Variants in ANKS1B observed in about 807,000 individuals in gnomAD.
ANKS1B encodes the protein ankyrin repeat and sterile alpha motif domain-containing protein 1B.
ANKS1B carries 36 observed loss-of-function variants against 148.3 expected under a neutral mutation model. That is an observed-to-expected ratio of 0.24 (90% CI 0.19 to 0.32). ANKS1B has a LOEUF of 0.32. Among genes scored for constraint, ANKS1B ranks in the 10% least tolerant of loss-of-function variants. The pLI is 1.00. For missense variants in ANKS1B, 1,157 were observed against 1,542.6 expected (o/e 0.75, Z 4.19); for synonymous variants, 542 against 560.8 (o/e 0.97, Z 0.47).
chr12:99,170,749 T>G (rs1249860427), intron 14 of ANKS1B, among the ~76,000 whole-genome samples: 1 of 152,094 alleles, frequency 6.6e-6, no homozygotes, highest in Non-Finnish European at 1.5e-5. Context: ...CCCATGATGT[T>G]GTTGAAGGCT....
At chr12:99,607,135 C>G (rs2097856855) in intron 9 of ANKS1B, among the ~76,000 whole-genome samples, 1 of 152,068 alleles carries the variant, frequency 6.6e-6, no homozygotes, top group Non-Finnish European at 1.5e-5. Flanking sequence ...GCTTGGCCCT[C>G]CCCTGTGGTT....
Position 99,771,318 on chromosome 12 carries a change from C to G in ANKS1B, c.1128+1604G>C, listed in dbSNP as rs181517169. On this transcript the variant is annotated intron_variant, in intron 8 of 26. Transcript: ENST00000683438. ...TTACAAATAATCAGGGATATTTGCT[C>G]AAAATTTGTTTACTAATGGTACGTA... Among the ~76,000 whole-genome samples, 239 of 152,044 alleles carry G rather than the reference C, an allele frequency of 1.6e-3. 4 individuals carry two copies. Among genetic ancestry groups the G allele is most frequent in the Non-Finnish European group, 1.7e-3 (114 of 67,940 alleles).
At chr12:98,946,070 A>G (rs1312962840) in intron 17 of ANKS1B, among the ~76,000 whole-genome samples, 1 of 152,154 alleles carries the variant, frequency 6.6e-6, no homozygotes, top group Non-Finnish European at 1.5e-5. Flanking sequence ...CCCTATTCCC[A>G]GTGAGGCAAC....
intron 1 of ANKS1B, among the ~76,000 whole-genome samples, chr12:99,830,955 G>A (rs748465760): frequency 4.7e-4 from 71 of 151,908 alleles, no homozygotes; most frequent in African/African-American, 1.4e-3. Context: ...TCATCTCTTC[G>A]GAAACTCTCT....
At chr12:99,695,012 A>G (rs1479943759) in intron 8 of ANKS1B, among the ~76,000 whole-genome samples, 1 of 152,224 alleles carries the variant, frequency 6.6e-6, no homozygotes, top group African/African-American at 2.4e-5. Context: ...AATTAAAGGA[A>G]CAGGGTCTTT....
At chr12:99,379,854 A>T (rs1032300917) in intron 12 of ANKS1B, among the ~76,000 whole-genome samples, 15 of 152,248 alleles carry the variant, frequency 9.9e-5, no homozygotes, top group Admixed American at 9.8e-4. Context: ...CTGTTTAATT[A>T]GTGAATATTA....
chr12:98,857,139 G>A (rs1469543986), intron 17 of ANKS1B, among the ~76,000 whole-genome samples: 2 of 152,156 alleles, frequency 1.3e-5, no homozygotes, highest in South Asian at 4.2e-4. Context: ...TATATGAAAG[G>A]ACAACATGCC....
intron 12 of ANKS1B, among the ~76,000 whole-genome samples, chr12:99,287,727 T>C (rs1393738832): frequency 6.6e-6 from 1 of 152,158 alleles, no homozygotes; most frequent in East Asian, 1.9e-4. Flanking sequence ...TTTTTAAAAA[T>C]CAAGCAGAAA....
chr12:99,200,602 T>A (rs1230531665), intron 14 of ANKS1B, among the ~76,000 whole-genome samples: 2 of 152,186 alleles, frequency 1.3e-5, no homozygotes, highest in East Asian at 3.8e-4. Context: ...CATTGCTCTA[T>A]GTATAGGTGG....
chr12:99,321,087 C>T (rs961918938), intron 12 of ANKS1B, among the ~76,000 whole-genome samples: 13 of 152,144 alleles, frequency 8.5e-5, no homozygotes, highest in South Asian at 2.1e-4. Context: ...GAGGGACACC[C>T]GGTTGTATGA....
chr12:99,765,279 T>C (rs1030865258), intron 8 of ANKS1B, among the ~76,000 whole-genome samples: 49 of 152,144 alleles, frequency 3.2e-4, no homozygotes, highest in African/African-American at 1.1e-3. Context: ...GTAGTGAAAA[T>C]TTAGTACTTA....
At chr12:99,750,431 G>A (rs567691828) in intron 8 of ANKS1B, among the ~76,000 whole-genome samples, 1 of 151,898 alleles carries the variant, frequency 6.6e-6, no homozygotes, top group South Asian at 2.1e-4. Context: ...TATAACTATA[G>A]GAAAAGCTTG....
chr12:98,807,701 T>A (rs1266391967), intron 20 of ANKS1B, 143 bp downstream of exon 20: 2 of 548,374 alleles, frequency 3.6e-6, no homozygotes, highest in East Asian at 6.2e-5. Context: ...AAATGAAGTA[T>A]AATAGACAAA....
At chr12:99,584,984 C>T (rs191825857) in intron 9 of ANKS1B, among the ~76,000 whole-genome samples, 4 of 152,146 alleles carry the variant, frequency 2.6e-5, no homozygotes, top group East Asian at 1.9e-4. Flanking sequence ...ATCATCCCCC[C>T]GGCCCCTCCC....
At chr12:99,846,685 T>C (rs1274640815) in intron 1 of ANKS1B, among the ~76,000 whole-genome samples, 1 of 152,152 alleles carries the variant, frequency 6.6e-6, no homozygotes. Context: ...TTTTGCTGCC[T>C]TCAGGTTACC....
chr12:98,844,526 C>G, intron 17 of ANKS1B, among the ~76,000 whole-genome samples: 1 of 152,158 alleles, frequency 6.6e-6, no homozygotes, highest in Non-Finnish European at 1.5e-5. Context: ...ACTTTATTGA[C>G]TTTCTTTTTT....
At chr12:98,897,271 A>G (rs1228725714) in intron 17 of ANKS1B, among the ~76,000 whole-genome samples, 2 of 152,180 alleles carry the variant, frequency 1.3e-5, no homozygotes, top group Non-Finnish European at 2.9e-5. Context: ...ACAGCAAAAT[A>G]ATAAACAGAG....
At chr12:99,327,544 G>C (rs959887221) in intron 12 of ANKS1B, among the ~76,000 whole-genome samples, 18 of 144,314 alleles carry the variant, frequency 1.2e-4, no homozygotes, top group African/African-American at 4.6e-4. Flanking sequence ...ATACAATGTT[G>C]AAATTGCTTG....
At chr12:99,685,271 G>C (rs2098642899) in intron 8 of ANKS1B, among the ~76,000 whole-genome samples, 1 of 152,086 alleles carries the variant, frequency 6.6e-6, no homozygotes, top group African/African-American at 2.4e-5. Flanking sequence ...AGTGGGCTAA[G>C]GACATGAATA....
Sources: allele counts gnomAD v4.1 joint callset (sites outside exome capture counted in the v4.1 genomes callset), GRCh38; gene constraint gnomAD v4.1.1; transcripts MANE v1.5; gene names NCBI Gene and HGNC (gene_info 2026-07-23, HGNC 2026-07-21).